Variants in ANO2 observed in about 807,000 individuals in gnomAD.
ANO2 encodes anoctamin-2.
In ANO2, 101 loss-of-function variants were observed where a neutral mutation model predicts 124.2. That is an observed-to-expected ratio of 0.81 (90% CI 0.69 to 0.96). The LOEUF is 0.96. Among genes scored for constraint, ANO2 ranks in the 40% least tolerant of loss-of-function variants. ANO2 has a pLI of 0.00. For missense variants in ANO2, 1,293 were observed against 1,274.5 expected (o/e 1.01, Z -0.22); for synonymous variants, 486 against 482.5 (o/e 1.01, Z -0.09).
At chr12:5,578,631 G>T in intron 20 of ANO2, 113 bp from the exon 21 acceptor site, 3 of 1,147,462 alleles carry the variant, frequency 2.6e-6, no homozygotes, top group African/African-American at 1.6e-5. Flanking sequence ...TTCCCATATG[G>T]GGTAATTTTT....
chr12:5,910,511 G>A (rs1414980225), intron 3 of ANO2, among the ~76,000 whole-genome samples: 1 of 152,190 alleles, frequency 6.6e-6, no homozygotes, highest in Admixed American at 6.5e-5. Context: ...GACAGTCACA[G>A]GAACTCATCT....
chr12:5,776,965 C>G (rs1952250230), intron 10 of ANO2, among the ~76,000 whole-genome samples: 1 of 152,226 alleles, frequency 6.6e-6, no homozygotes, highest in Non-Finnish European at 1.5e-5. Context: ...AACTCAGCTT[C>G]TAGATCTTAG....
In ANO2 at chr12:5,887,148, G is replaced by T. The variant is rs1016660000; in HGVS notation, c.535-33007C>A. On this transcript the variant is annotated intron_variant, in intron 3 of 24. Coordinates refer to ENST00000682330, the MANE Select transcript of ANO2 (RefSeq NM_001364791.2). The stretch of plus-strand genomic sequence containing the variant: ...ATTTACAGTAAATATTATGTCTCTT[G>T]AAAGTGATCATAATTAAAACTTAGG... 2.0e-5 allele frequency among the ~76,000 whole-genome samples: 3 copies of T among 152,138 alleles called. No homozygotes were observed. The South Asian group carries it at 6.2e-4, about 31-fold the overall frequency.
intron 4 of ANO2, among the ~76,000 whole-genome samples, chr12:5,848,567 C>T (rs1488715896): frequency 2.0e-5 from 3 of 152,214 alleles, no homozygotes; most frequent in African/African-American, 7.2e-5. Context: ...TGCCTTCAAG[C>T]TCTGCCTCCT....
At chr12:5,569,683 G>T (rs984233686) in intron 23 of ANO2, among the ~76,000 whole-genome samples, 2 of 152,286 alleles carry the variant, frequency 1.3e-5, no homozygotes, top group Middle Eastern at 3.4e-3. Context: ...GCATAGAGGA[G>T]CTGTCTCAAT....
intron 14 of ANO2, among the ~76,000 whole-genome samples, chr12:5,659,052 C>T (rs1947318749): frequency 6.6e-6 from 1 of 152,162 alleles, no homozygotes; most frequent in Non-Finnish European, 1.5e-5. Context: ...TCACAACTGC[C>T]TTGTGTGAAC....
intron 20 of ANO2, among the ~76,000 whole-genome samples, chr12:5,587,055 G>C (rs1049574137): frequency 6.6e-6 from 1 of 152,196 alleles, no homozygotes; most frequent in Non-Finnish European, 1.5e-5. Flanking sequence ...AACGTCTGCA[G>C]AGTCCAACTG....
chr12:5,857,787 TAGATA>T (rs1305610430), intron 3 of ANO2, among the ~76,000 whole-genome samples: 1 of 151,616 alleles, frequency 6.6e-6, no homozygotes, highest in Admixed American at 6.6e-5. Flanking sequence ...GATAGATAGA[TAGATA>T]GATAGATAGA....
chr12:5,785,310 C>T (rs1591614103), intron 10 of ANO2, among the ~76,000 whole-genome samples: 2 of 152,116 alleles, frequency 1.3e-5, no homozygotes, highest in East Asian at 1.9e-4. Flanking sequence ...GGGAGAAACA[C>T]GCAGCTACAA....
chr12:5,898,710 T>C lies in ANO2; in HGVS notation c.534+22330A>G, dbSNP rs555935345. ...TCATCTGTGATGCTAGAAGTCAGAA[T>C]AGTCACGACCTTTGGGTGGTGGGGG... On this transcript the variant is annotated intron_variant, in intron 3 of 24. Coordinates refer to ENST00000682330, the MANE Select transcript of ANO2 (RefSeq NM_001364791.2). Among the ~76,000 whole-genome samples, 3 of 152,294 alleles carry C rather than the reference T, an allele frequency of 2.0e-5. No individual in the cohort carries two copies. In the South Asian group the frequency reaches 6.2e-4, roughly 32 times the overall value.
chr12:5,582,834 G>A (rs10849298), intron 20 of ANO2, among the ~76,000 whole-genome samples: 24,989 of 152,074 alleles, frequency 0.16, 2,440 homozygotes, highest in East Asian at 0.33. Flanking sequence ...CGGCTGAGTA[G>A]GATGCTATTC....
chr12:5,727,634 C>CTTTTTTT (rs1565614619), intron 14 of ANO2, among the ~76,000 whole-genome samples: 1 of 133,736 alleles, frequency 7.5e-6, no homozygotes. Context: ...CTCACCACTT[C>CTTTTTTT]CTTTTTTTTT....
At chr12:5,714,825 C>T (rs755969893) in intron 14 of ANO2, among the ~76,000 whole-genome samples, 6 of 152,084 alleles carry the variant, frequency 3.9e-5, no homozygotes, top group Non-Finnish European at 5.9e-5. Flanking sequence ...TATATACAAC[C>T]GGGAAAGCAG....
intron 4 of ANO2, among the ~76,000 whole-genome samples, chr12:5,837,720 G>C (rs1312420381): frequency 1.3e-5 from 2 of 151,654 alleles, no homozygotes; most frequent in Non-Finnish European, 2.9e-5. Flanking sequence ...GCAGTGTGTA[G>C]AGGGAAATTT....
chr12:5,586,017 C>T (rs931370137), intron 20 of ANO2, among the ~76,000 whole-genome samples: 3 of 152,114 alleles, frequency 2.0e-5, no homozygotes, highest in African/African-American at 4.8e-5. Context: ...CTGAGCTTCC[C>T]GGTTGTTAGA....
chr12:5,857,174 T>C (rs1015979073), intron 3 of ANO2, among the ~76,000 whole-genome samples: 9 of 152,160 alleles, frequency 5.9e-5, no homozygotes, highest in African/African-American at 1.9e-4. Flanking sequence ...TTTAAAATAA[T>C]TTTTTCCTTG....
chr12:5,634,006 G>A (rs1253114715), intron 16 of ANO2, among the ~76,000 whole-genome samples: 1 of 152,172 alleles, frequency 6.6e-6, no homozygotes, highest in Non-Finnish European at 1.5e-5. Flanking sequence ...GTCCCCAGGA[G>A]TGTTGGATGT....
Position 5,810,676 on chromosome 12 carries a change from C to G in ANO2, c.893-3308G>C, listed in dbSNP as rs79285096. On this transcript the variant is annotated intron_variant, in intron 7 of 24. Coordinates refer to ENST00000682330, the MANE Select transcript of ANO2 (RefSeq NM_001364791.2). The stretch of plus-strand genomic sequence containing the variant: ...CCTTAACAGGAACAACGTCTCAGCT[C>G]AAAGTATAGCCCCTGAGGAGCCCCT... 9.3e-3 allele frequency among the ~76,000 whole-genome samples: 1,420 copies of G among 152,312 alleles called. 22 individuals carry two copies. Among genetic ancestry groups the G allele is most frequent in the African/African-American group, 0.033 (1,355 of 41,578 alleles).
intron 1 of ANO2, among the ~76,000 whole-genome samples, chr12:5,930,466 C>T (rs919381289): frequency 6.6e-6 from 1 of 152,046 alleles, no homozygotes; most frequent in Non-Finnish European, 1.5e-5. Context: ...GGTGCGGACT[C>T]GATCAGGAAA....
Sources: gnomAD v4.1 joint callset for allele counts (sites outside exome capture counted in the v4.1 genomes callset) on GRCh38, gnomAD v4.1.1 for gene constraint, MANE v1.5 for transcripts, NCBI Gene and HGNC (gene_info 2026-07-23, HGNC 2026-07-21) for gene names.